CAB39: variants seen among roughly 807,000 people sequenced by gnomAD.
CAB39 encodes the protein calcium-binding protein 39.
In CAB39, 8 loss-of-function variants were observed where a neutral mutation model predicts 40.0. That is an observed-to-expected ratio of 0.20 (90% CI 0.12 to 0.36). The LOEUF is 0.36. CAB39 is among the 10% of genes least tolerant of loss of function. The pLI is 1.00. For synonymous variants in CAB39, 156 were observed against 141.6 expected (o/e 1.10, Z -0.72); for missense variants, 270 against 401.1 (o/e 0.67, Z 2.79).
chr2:230,724,530 A>G (rs1694520405), intron 1 of CAB39, among the ~76,000 whole-genome samples: 1 of 151,654 alleles, frequency 6.6e-6, no homozygotes, highest in Non-Finnish European at 1.5e-5. Context: ...AAAAATACAA[A>G]ATTAGCCGGG....
At position 230,760,810 on chromosome 2, in the gene CAB39, A is replaced by G. The variant is rs76170954; in HGVS notation, c.114+695A>G. ...ATAATTTTTCACTAAATCTTGTTCA[A>G]CTCCCTAAATTGTTTATGATTCAGT... On this transcript the variant is annotated intron_variant, in intron 2 of 8. Coordinates refer to ENST00000258418, the MANE Select transcript of CAB39 (RefSeq NM_016289.4). Among the ~76,000 whole-genome samples the G allele has an allele frequency of 1.2e-4, 18 of 152,026 alleles. No individual in the cohort carries two copies. The East Asian group carries it at 2.9e-3, about 24-fold the overall frequency.
At chr2:230,753,537 G>T (rs1695126390) in intron 1 of CAB39, among the ~76,000 whole-genome samples, 1 of 152,026 alleles carries the variant, frequency 6.6e-6, no homozygotes, top group Non-Finnish European at 1.5e-5. Flanking sequence ...GGTAGATCAC[G>T]AGGTCAGGAG....
intron 1 of CAB39, chr2:230,713,550 T>TCGGG (rs1233035492): frequency 2.0e-5 from 3 of 152,190 alleles, no homozygotes; most frequent in African/African-American, 7.2e-5. Flanking sequence ...CGGGCCGGAG[T>TCGGG]CGGGCGGGCG....
In CAB39 at chr2:230,793,314, G is replaced by A; in HGVS notation, c.381G>A (p.Leu127=). The change falls in exon 4 of 9, where the codon TTG becomes TTA. Residue 127 remains leucine, a synonymous_variant. Coordinates refer to ENST00000258418, the MANE Select transcript of CAB39 (RefSeq NM_016289.4). ...ACATCTGCACCCAACAGAATATTTT[G>A]TTCATGTTATTGAAAGGGTATGTAC... ...VEYICTQQNI[L]FMLLKGYESP... The A allele has an allele frequency of 6.3e-7, 1 of 1,577,188 alleles. No individual in the cohort carries two copies.
chr2:230,755,475 T>G (rs1450403366), intron 1 of CAB39, among the ~76,000 whole-genome samples: 1 of 152,232 alleles, frequency 6.6e-6, no homozygotes, highest in Non-Finnish European at 1.5e-5. Flanking sequence ...CTTAGCCCAC[T>G]TTTTGATGGG....
At position 230,818,577 on chromosome 2, in the gene CAB39, C is replaced by T; in HGVS notation, c.899C>T (p.Ala300Val). ...CTAGACATCCTCCTCAAGAACCAGG[C>T]CAAACTCATAGAGTTCCTCAGCAAG... is the stretch of plus-strand genomic sequence containing the variant. ...PILDILLKNQ[A>V]KLIEFLSKFQ... Residue 300 changes from alanine to valine, a missense_variant, in exon 9 of 9, where the codon GCC becomes GTC. By Grantham distance (64) the Ala-to-Val change is moderately conservative (BLOSUM62 0). Transcript: ENST00000258418. 1 of 1,614,104 alleles carries T rather than the reference C, an allele frequency of 6.2e-7. No individual in the cohort carries two copies. Among genetic ancestry groups the T allele is most frequent in the Non-Finnish European group, 8.5e-7 (1 of 1,179,986 alleles).
chr2:230,723,809 A>G (rs559003113), intron 1 of CAB39, among the ~76,000 whole-genome samples: 3 of 152,326 alleles, frequency 2.0e-5, no homozygotes, highest in Non-Finnish European at 2.9e-5. Context: ...TACTTCATAT[A>G]TTAATGTCAC....
intron 1 of CAB39, among the ~76,000 whole-genome samples, chr2:230,714,630 T>A (rs995567634): frequency 1.3e-5 from 2 of 152,226 alleles, no homozygotes; most frequent in Non-Finnish European, 2.9e-5. Context: ...TAAAATAACA[T>A]AAATTGATGA....
intron 2 of CAB39, among the ~76,000 whole-genome samples, chr2:230,777,406 A>T (rs1392570879): frequency 1.4e-5 from 2 of 143,312 alleles, no homozygotes; most frequent in African/African-American, 2.6e-5. Context: ...TTTCATGTGC[A>T]TATAGATCTC....
chr2:230,799,883 G>A (rs1340258384), intron 5 of CAB39, among the ~76,000 whole-genome samples: 4 of 151,834 alleles, frequency 2.6e-5, no homozygotes, highest in Non-Finnish European at 4.4e-5. Flanking sequence ...ACAGCTACTC[G>A]GGAGGCTGAG....
At chr2:230,802,200 G>A (rs1339308232) in intron 5 of CAB39, among the ~76,000 whole-genome samples, 1 of 152,134 alleles carries the variant, frequency 6.6e-6, no homozygotes, top group Non-Finnish European at 1.5e-5. Context: ...AAATAAATAC[G>A]TTCTTTGAAA....
At chr2:230,788,657 G>A (rs567859385) in intron 2 of CAB39, among the ~76,000 whole-genome samples, 1 of 152,102 alleles carries the variant, frequency 6.6e-6, no homozygotes, top group African/African-American at 2.4e-5. Flanking sequence ...GTTTTTCAAA[G>A]GTATTTTTGC....
chr2:230,781,432 C>T (rs1008059579), intron 2 of CAB39, among the ~76,000 whole-genome samples: 34 of 152,284 alleles, frequency 2.2e-4, no homozygotes, highest in African/African-American at 7.2e-4. Context: ...GCACAAGTTC[C>T]ATCACTTTTT....
At chr2:230,803,739 A>G (rs1263125493) in intron 5 of CAB39, among the ~76,000 whole-genome samples, 1 of 152,234 alleles carries the variant, frequency 6.6e-6, no homozygotes, top group African/African-American at 2.4e-5. Flanking sequence ...ACCACTGCTC[A>G]ACGAAATAGA....
At chr2:230,765,921 A>G (rs1695377617) in intron 2 of CAB39, among the ~76,000 whole-genome samples, 1 of 152,192 alleles carries the variant, frequency 6.6e-6, no homozygotes, top group South Asian at 2.1e-4. Context: ...ACAAAGAAAA[A>G]CATTTGAATT....
Position 230,818,804 on chromosome 2 carries a change from C to T in CAB39, c.*100C>T, listed in dbSNP as rs1696451114. ...ATTCATGAGGAACATTACTGCTAAT[C>T]TGCTGTTAAGTGAACGGTTTTTCAT... On this transcript the variant is annotated 3_prime_UTR_variant, in exon 9 of 9. Transcript: ENST00000258418. 1 of 950,796 alleles carries T rather than the reference C, an allele frequency of 1.1e-6. No individual in the cohort carries two copies. Among genetic ancestry groups the T allele is most frequent in the African/African-American group, 1.7e-5 (1 of 60,092 alleles). 58.9% of individuals were successfully genotyped at this position (950,796 alleles called of 1,614,324 possible).
chr2:230,781,578 G>A (rs1695687006), intron 2 of CAB39, among the ~76,000 whole-genome samples: 4 of 152,174 alleles, frequency 2.6e-5, no homozygotes, highest in Non-Finnish European at 5.9e-5. Flanking sequence ...GGCAGGACCT[G>A]GAATGTGGTC....
At chr2:230,809,953 G>T (rs1696275764) in intron 5 of CAB39, among the ~76,000 whole-genome samples, 2 of 152,084 alleles carry the variant, frequency 1.3e-5, no homozygotes, top group African/African-American at 4.8e-5. Context: ...AGCCCACTTG[G>T]GGAGTGTTAA....
At chr2:230,794,186 GTC>G (rs1266816494) in intron 4 of CAB39, among the ~76,000 whole-genome samples, 3 of 152,160 alleles carry the variant, frequency 2.0e-5, no homozygotes, top group African/African-American at 7.2e-5. Context: ...TCTGATTCAC[GTC>G]TCTGCGGTTT....
Sources: gnomAD v4.1 joint callset for allele counts (sites outside exome capture counted in the v4.1 genomes callset) on GRCh38, gnomAD v4.1.1 for gene constraint, MANE v1.5 for transcripts, NCBI Gene and HGNC (gene_info 2026-07-23, HGNC 2026-07-21) for gene names.